The following ZC3H12B variants were observed in gnomAD, a reference collection of about 807,000 sequenced individuals.
ZC3H12B encodes the protein zinc finger CCCH-type containing 12B.
In ZC3H12B, 7 loss-of-function variants were observed where a neutral mutation model predicts 43.9. The ratio of observed to expected loss-of-function variants is 0.16; its 90% CI spans 0.09 to 0.30. The LOEUF (loss-of-function observed/expected upper bound fraction) is 0.30, where lower values mean the gene tolerates loss of function less well. Among genes scored for constraint, ZC3H12B ranks in the 10% least tolerant of loss-of-function variants. ZC3H12B has a pLI of 1.00. For missense variants in ZC3H12B, 475 were observed against 670.2 expected, an observed-to-expected ratio of 0.71 and a Z score of 3.22; for synonymous variants, 222 against 241.7, an observed-to-expected ratio of 0.92 and a Z score of 0.76.
At chrX:65,498,622 G>A (rs942084553) in intron 2 of ZC3H12B, among the ~76,000 whole-genome samples, 1 of 112,147 alleles carries the variant, frequency 8.9e-6, no homozygotes, top group Admixed American at 9.5e-5. Context: ...TTTCCTCCTG[G>A]CAGACACATC....
At chrX:65,285,892 C>A in the ZC3H12B span, among the ~76,000 whole-genome samples, 1 of 111,432 alleles carries the variant, frequency 9.0e-6, no homozygotes, top group South Asian at 3.7e-4. Flanking sequence ...TAGAAAACAA[C>A]CAAAAATATT....
At chrX:65,345,218 G>C in the ZC3H12B span, among the ~76,000 whole-genome samples, 1 of 111,936 alleles carries the variant, frequency 8.9e-6, no homozygotes, top group African/African-American at 3.2e-5. Flanking sequence ...AGGAATGTAA[G>C]TCATTGTATC....
chrX:65,335,119 CA>C, the ZC3H12B span, among the ~76,000 whole-genome samples: 1 of 111,939 alleles, frequency 8.9e-6, no homozygotes, highest in African/African-American at 3.2e-5. Context: ...CTGATACCCC[CA>C]AAGTATTATA....
chrX:65,462,543 T>G (rs927930777), intron 3 of ZC3H12B, among the ~76,000 whole-genome samples: 2 of 111,887 alleles, frequency 1.8e-5, no homozygotes, highest in Admixed American at 1.9e-4. Flanking sequence ...ACTTCATTAA[T>G]CAGATACATT....
chrX:65,209,548 T>C, the ZC3H12B span, among the ~76,000 whole-genome samples: 17 of 104,404 alleles, frequency 1.6e-4, no homozygotes, highest in Non-Finnish European at 5.9e-5. Flanking sequence ...GAGAGATAGT[T>C]TGCTATAATT....
At chrX:65,415,210 G>T (rs1297194545) in intron 3 of ZC3H12B, among the ~76,000 whole-genome samples, 3 of 112,308 alleles carry the variant, frequency 2.7e-5, no homozygotes, top group Non-Finnish European at 3.8e-5. Context: ...TGAAGATAAG[G>T]GATTGTGAAG....
the ZC3H12B span, among the ~76,000 whole-genome samples, chrX:65,247,847 A>G: frequency 8.9e-6 from 1 of 112,073 alleles, no homozygotes; most frequent in East Asian, 2.8e-4. Flanking sequence ...TTACCTGTGT[A>G]ACAGATCTGT....
chrX:65,454,463 G>A (rs766572132), intron 3 of ZC3H12B, among the ~76,000 whole-genome samples: 52 of 112,211 alleles, frequency 4.6e-4, no homozygotes, highest in Admixed American at 4.4e-3. Context: ...GGCTTGAGTA[G>A]GTAAACAAAG....
At chrX:65,423,245 T>G (rs769427764) in intron 3 of ZC3H12B, among the ~76,000 whole-genome samples, 1 of 112,070 alleles carries the variant, frequency 8.9e-6, no homozygotes, top group South Asian at 3.7e-4. Flanking sequence ...CACATTTTCT[T>G]TATCCAGTCT....
the ZC3H12B span, among the ~76,000 whole-genome samples, chrX:65,231,388 G>A: frequency 9.0e-6 from 1 of 111,405 alleles, no homozygotes; most frequent in Non-Finnish European, 1.9e-5. Context: ...CAGGGTTCGA[G>A]AGCAGACAAC....
At chrX:65,113,141 C>A in the ZC3H12B span, among the ~76,000 whole-genome samples, 69 of 111,049 alleles carry the variant, frequency 6.2e-4, no homozygotes, top group African/African-American at 2.1e-3. Flanking sequence ...ATGGAGATAG[C>A]AAGACAAGTA....
chrX:65,491,578 A>C (rs1225134268), intron 1 of ZC3H12B, among the ~76,000 whole-genome samples: 1 of 109,060 alleles, frequency 9.2e-6, no homozygotes, highest in African/African-American at 3.3e-5. Context: ...ATAGTGGCAC[A>C]TGCCTGTAGT....
At chrX:65,062,313 A>T in the ZC3H12B span, among the ~76,000 whole-genome samples, 1 of 112,124 alleles carries the variant, frequency 8.9e-6, no homozygotes, top group East Asian at 2.8e-4. Context: ...TAAGTCTTTA[A>T]TCCATCTTGA....
intron 3 of ZC3H12B, among the ~76,000 whole-genome samples, chrX:65,419,907 A>G (rs766754147): frequency 1.1e-4 from 12 of 111,327 alleles, no homozygotes; most frequent in Non-Finnish European, 2.1e-4. Context: ...TGGACCCAGG[A>G]TCCAGGCTCA....
chrX:65,163,576 T>C, the ZC3H12B span, among the ~76,000 whole-genome samples: 7 of 111,758 alleles, frequency 6.3e-5, no homozygotes, highest in East Asian at 2.8e-4. Flanking sequence ...CTCTGAGCTA[T>C]GTGCGGGATA....
At chrX:65,412,181 T>C (rs1844398649) in intron 3 of ZC3H12B, among the ~76,000 whole-genome samples, 1 of 111,608 alleles carries the variant, frequency 9.0e-6, no homozygotes, top group Non-Finnish European at 1.9e-5. Context: ...ACCACCAATC[T>C]ATGTTCTGTC....
At chrX:65,465,479 C>T (rs968503030) in intron 3 of ZC3H12B, among the ~76,000 whole-genome samples, 2 of 110,753 alleles carry the variant, frequency 1.8e-5, no homozygotes, top group East Asian at 2.8e-4. Context: ...TTACTTCCAC[C>T]CTATTTGTGC....
At chrX:65,326,765 C>T in the ZC3H12B span, among the ~76,000 whole-genome samples, 1 of 111,184 alleles carries the variant, frequency 9.0e-6, no homozygotes, top group Non-Finnish European at 1.9e-5. Context: ...TAAATAATCA[C>T]ATTAACTTCA....
At chrX:65,149,811 AT>A in the ZC3H12B span, among the ~76,000 whole-genome samples, 29 of 103,366 alleles carry the variant, frequency 2.8e-4, no homozygotes, top group Non-Finnish European at 4.5e-4. Context: ...AATAATAATA[AT>A]AATAAATAAA....
Sources: gnomAD v4.1 joint callset for allele counts (sites outside exome capture counted in the v4.1 genomes callset) on GRCh38, gnomAD v4.1.1 for gene constraint, MANE v1.5 for transcripts, NCBI Gene and HGNC (gene_info 2026-07-23, HGNC 2026-07-21) for gene names.